DENND5A: variants seen among roughly 807,000 people sequenced by gnomAD.
The protein encoded by DENND5A is DENN domain-containing protein 5A.
In DENND5A, 64 loss-of-function variants were observed where a neutral mutation model predicts 140.3. That is an observed-to-expected ratio of 0.46 (90% CI 0.37 to 0.56). DENND5A has a LOEUF of 0.56. DENND5A is among the 20% of genes least tolerant of loss of function. The probability of loss-of-function intolerance (pLI) is 0.00; values close to 1 mark genes in which losing one functional copy is unlikely to be tolerated. For synonymous variants in DENND5A, 605 were observed against 607.7 expected, an observed-to-expected ratio of 1.00 and a Z score of 0.07; for missense variants, 1,292 against 1,593.8, an observed-to-expected ratio of 0.81 and a Z score of 3.22.
chr11:9,257,482 CTTT>C (rs1281178041), intron 1 of DENND5A, among the ~76,000 whole-genome samples: 1 of 119,016 alleles, frequency 8.4e-6, no homozygotes, highest in Admixed American at 8.5e-5. Flanking sequence ...ACACAGTATT[CTTT>C]TTTTTTTTTT....
rs1347530321 is a variant in DENND5A at position 9,179,058 on chromosome 11, C to G, written c.1471G>C (p.Asp491His). 3.1e-6 allele frequency: 5 copies of G among 1,614,022 alleles called. No homozygotes were observed. The highest frequency in any genetic ancestry group is 2.2e-5 in the East Asian group (1 of 44,870). ...VSLEKLEVRE[D>H]PSSNKDLKVQ... is the part of the protein sequence containing the mutation. ...TTGAGATCCTTATTGCTGCTGGGGTCTTCACGCACTTCCAACTACAAAAAA... is the reference window on the plus strand; with the variant it reads ...TTGAGATCCTTATTGCTGCTGGGGTGTTCACGCACTTCCAACTACAAAAAA... Residue 491 changes from aspartate (D) to histidine (H), a missense_variant, in exon 7 of 23, where the codon GAC becomes CAC. Physicochemically the swap from Asp to His is moderately conservative, Grantham distance 81 (BLOSUM62 -1). Around this residue, in one of 4 missense-constraint regions of DENND5A, gnomAD observed 566 missense variants for 650.4 expected, o/e 0.87. Coordinates refer to ENST00000328194, the MANE Select transcript of DENND5A (RefSeq NM_015213.4).
At chr11:9,242,399 T>G (rs975036849) in intron 1 of DENND5A, 1 of 152,238 alleles carries the variant, frequency 6.6e-6, no homozygotes, top group African/African-American at 2.4e-5. Context: ...GCATTGTCAT[T>G]ATTGGCTTAC....
At position 9,142,704 on chromosome 11, in the gene DENND5A, T is replaced by A; in HGVS notation, c.3511+18A>T. 1 of 1,614,016 alleles carries A rather than the reference T, an allele frequency of 6.2e-7. No homozygotes were observed. The highest frequency in any genetic ancestry group is 8.5e-7 in the Non-Finnish European group (1 of 1,179,970). On this transcript the variant is annotated intron_variant, in intron 21 of 22. Transcript: ENST00000328194. ...TCTCTACATGCTTCTCCCACCCTCA[T>A]ACTCCAGCTCAACTCACCCAGGAAA...
At position 9,145,690 on chromosome 11, in the gene DENND5A, C is replaced by T. The variant is rs749619585; in HGVS notation, c.2983G>A (p.Val995Met). ...ETQIMQIPRN[V>M]LEMTFECQNL... is the part of the protein sequence containing the mutation. Reference sequence around the variant, plus strand: ...CATACCTCGAAGGTCATCTCTAGCACATTCCTGGGAATCTGCATGATCTGT... The same window carrying T: ...CATACCTCGAAGGTCATCTCTAGCATATTCCTGGGAATCTGCATGATCTGT... Residue 995 changes from valine to methionine, a missense_variant, in exon 17 of 23, where the codon GTG (valine) becomes ATG (methionine). By Grantham distance (21) the Val-to-Met change is conservative (BLOSUM62 1). This residue lies in a region of DENND5A where 498 missense variants were observed against 689.7 expected (regional missense o/e 0.72). Coordinates refer to ENST00000328194, the MANE Select transcript of DENND5A (RefSeq NM_015213.4). 1.9e-6 allele frequency: 3 copies of T among 1,614,090 alleles called. No individual in the cohort carries two copies. In the East Asian group the frequency reaches 6.7e-5, roughly 36 times the overall value.
chr11:9,254,838 C>A (rs1307736038), intron 1 of DENND5A, among the ~76,000 whole-genome samples: 1 of 151,902 alleles, frequency 6.6e-6, no homozygotes, highest in African/African-American at 2.4e-5. Context: ...TTTAAGAGGC[C>A]AAGGAGGGTG....
At chr11:9,143,328 C>G in intron 20 of DENND5A, 75 bp downstream of exon 20, 1 of 1,307,718 alleles carries the variant, frequency 7.6e-7, no homozygotes, top group African/African-American at 1.4e-5. Context: ...AAGAGCATAA[C>G]AAGATAATCG....
chr11:9,221,914 C>T (rs562256503), intron 1 of DENND5A, among the ~76,000 whole-genome samples: 14 of 151,920 alleles, frequency 9.2e-5, no homozygotes, highest in South Asian at 4.1e-4. Flanking sequence ...CATGCCACCA[C>T]GCCCGGCTAA....
intron 18 of DENND5A, 84 bp downstream of exon 18, chr11:9,144,911 T>C (rs1847373782): frequency 1.0e-6 from 1 of 983,490 alleles, no homozygotes; most frequent in Non-Finnish European, 1.6e-6. Context: ...AAGGGTCTCC[T>C]TGGGAACTCC....
At chr11:9,260,732 G>A (rs1852159351) in intron 1 of DENND5A, among the ~76,000 whole-genome samples, 1 of 152,166 alleles carries the variant, frequency 6.6e-6, no homozygotes, top group African/African-American at 2.4e-5. Context: ...TAAATGCTGA[G>A]TCTGCAAGAA....
chr11:9,226,461 A>G (rs1373350712), intron 1 of DENND5A, among the ~76,000 whole-genome samples: 3 of 152,002 alleles, frequency 2.0e-5, no homozygotes, highest in South Asian at 4.2e-4. Context: ...TGACAATGGG[A>G]AAAAAAAGTT....
intron 1 of DENND5A, among the ~76,000 whole-genome samples, chr11:9,216,153 G>T (rs1359428493): frequency 1.3e-5 from 2 of 152,198 alleles, no homozygotes; most frequent in Non-Finnish European, 2.9e-5. Context: ...CTTACTAATT[G>T]TATGACATTA....
chr11:9,199,512 T>A lies in DENND5A; in HGVS notation c.949+4148A>T, dbSNP rs530298057. Among the ~76,000 whole-genome samples the A allele has an allele frequency of 1.1e-4, 17 of 152,216 alleles. No individual in the cohort carries two copies. In the South Asian group the frequency reaches 1.7e-3, roughly 15 times the overall value. Reference sequence around the variant, plus strand: ...GACCCTGTCTCAAAAAAAGTAACAATAATTTTTTAACAACCAATTAAAAAT... The same window carrying A: ...GACCCTGTCTCAAAAAAAGTAACAAAAATTTTTTAACAACCAATTAAAAAT... On this transcript the variant is annotated intron_variant, in intron 4 of 22. Transcript: ENST00000328194.
At chr11:9,216,726 G>A (rs1850108342) in intron 1 of DENND5A, among the ~76,000 whole-genome samples, 2 of 152,286 alleles carry the variant, frequency 1.3e-5, no homozygotes, top group Non-Finnish European at 2.9e-5. Flanking sequence ...ACAATGTAAC[G>A]AGATCCTGTC....
At position 9,201,866 on chromosome 11, in the gene DENND5A, C is replaced by T. The variant is rs113996596; in HGVS notation, c.949+1794G>A. 9.9e-3 allele frequency among the ~76,000 whole-genome samples: 1,505 copies of T among 152,140 alleles called. 27 individuals carry two copies. The highest frequency in any genetic ancestry group is 0.034 in the African/African-American group (1,429 of 41,510). On this transcript the variant is annotated intron_variant, in intron 4 of 22. Coordinates refer to ENST00000328194, the MANE Select transcript of DENND5A (RefSeq NM_015213.4). ...AACAGAATAATTAGTTTCAAAGTAT[C>T]TCCCCATGACTTACATGTTAATTAC... is the stretch of plus-strand genomic sequence containing the variant.
At chr11:9,207,814 T>C (rs1391016001) in intron 1 of DENND5A, among the ~76,000 whole-genome samples, 182 bp from the exon 2 acceptor site, 2 of 152,154 alleles carry the variant, frequency 1.3e-5, no homozygotes, top group African/African-American at 4.8e-5. Context: ...TTACTATATA[T>C]ATAATGTCCT....
At chr11:9,194,317 C>T (rs1458425162) in intron 4 of DENND5A, among the ~76,000 whole-genome samples, 1 of 152,186 alleles carries the variant, frequency 6.6e-6, no homozygotes, top group Non-Finnish European at 1.5e-5. Context: ...GTAATGCCAG[C>T]ACTTTGGGAG....
intron 1 of DENND5A, among the ~76,000 whole-genome samples, chr11:9,227,980 G>A (rs562468333): frequency 1.3e-5 from 2 of 151,742 alleles, no homozygotes; most frequent in South Asian, 2.1e-4. Flanking sequence ...GGGCATGGTG[G>A]TGCATGCCTG....
chr11:9,187,708 T>C (rs543457945), intron 5 of DENND5A, among the ~76,000 whole-genome samples: 125 of 152,282 alleles, frequency 8.2e-4, no homozygotes, highest in East Asian at 3.5e-3. Context: ...AATTCTGTAA[T>C]ATAGCTGTGG....
intron 14 of DENND5A, among the ~76,000 whole-genome samples, 154 bp downstream of exon 14, chr11:9,150,526 T>C (rs559031299): frequency 2.6e-5 from 4 of 152,308 alleles, no homozygotes; most frequent in East Asian, 1.9e-4. Context: ...GCTTTACAAA[T>C]GTATTATGAA....
Sources: allele counts gnomAD v4.1 joint callset (sites outside exome capture counted in the v4.1 genomes callset), GRCh38; gene constraint gnomAD v4.1.1; regional missense constraint gnomAD v4.1.1; transcripts MANE v1.5; gene names NCBI Gene and HGNC (gene_info 2026-07-23, HGNC 2026-07-21).